Variants in CHRNA7 observed in about 807,000 individuals in gnomAD.
CHRNA7 encodes neuronal acetylcholine receptor subunit alpha-7.
In CHRNA7, 17 loss-of-function variants were observed where a neutral mutation model predicts 48.0. The ratio of observed to expected loss-of-function variants is 0.35; its 90% CI spans 0.24 to 0.53. CHRNA7 has a LOEUF of 0.53. Ranked by LOEUF, CHRNA7 falls within the 20% of genes least tolerant of loss-of-function variation. CHRNA7 has a pLI of 0.92. For synonymous variants in CHRNA7, 75 were observed against 242.3 expected (o/e 0.31, Z 6.41); for missense variants, 155 against 577.7 (o/e 0.27, Z 7.50).
chr15:32,124,945 G>T (rs900752134), intron 4 of CHRNA7, among the ~76,000 whole-genome samples: 1 of 152,170 alleles, frequency 6.6e-6, no homozygotes, highest in South Asian at 2.1e-4. Flanking sequence ...CAGATCCGTG[G>T]GTGCTTTGAT....
chr15:32,079,537 C>G (rs2050184796), intron 2 of CHRNA7, among the ~76,000 whole-genome samples: 1 of 152,124 alleles, frequency 6.6e-6, no homozygotes. Context: ...AATGAACTCC[C>G]ATTCACAATT....
intron 2 of CHRNA7, among the ~76,000 whole-genome samples, chr15:32,075,493 T>C (rs139405073): frequency 3.7e-4 from 57 of 152,292 alleles, no homozygotes; most frequent in African/African-American, 1.3e-3. Flanking sequence ...TGTAAAATTC[T>C]TCATAGTACT....
chr15:32,100,007 C>T (rs1463364219), intron 2 of CHRNA7: 2 of 152,226 alleles, frequency 1.3e-5, no homozygotes, highest in Admixed American at 1.3e-4. Flanking sequence ...GGGATTTGCC[C>T]CACCTGGCCC....
intron 2 of CHRNA7, among the ~76,000 whole-genome samples, chr15:32,092,339 G>A (rs1308438434): frequency 6.6e-6 from 1 of 152,132 alleles, no homozygotes; most frequent in Non-Finnish European, 1.5e-5. Context: ...TTTGATCCAA[G>A]ACTTATATAG....
At position 32,136,857 on chromosome 15, in the gene CHRNA7, C is replaced by G. The variant is rs1302823433; in HGVS notation, c.351-17050C>G. On this transcript the variant is annotated intron_variant, in intron 4 of 9. Transcript: ENST00000306901. ...CCATCCCGGCTAACACGGTGAAACC[C>G]CGTCTCTACTAAAAATACAAAAAAA... Among the ~76,000 whole-genome samples the G allele has an allele frequency of 4.2e-5, 5 of 120,300 alleles. No homozygotes were observed. The South Asian group carries it at 1.5e-3, about 37-fold the overall frequency. The allele number at this position is 120,300 out of a possible 152,430, so 78.9% of individuals were successfully genotyped here. A position where few individuals can be genotyped will look rare whatever the true frequency, so the allele number is the denominator to read the frequency against.
intron 4 of CHRNA7, among the ~76,000 whole-genome samples, chr15:32,139,046 G>T (rs1019158208): frequency 6.6e-6 from 1 of 152,192 alleles, no homozygotes. Context: ...GAGCCACTGC[G>T]CCCGGCCTGA....
intron 2 of CHRNA7, among the ~76,000 whole-genome samples, chr15:32,044,240 G>A (rs1039004705): frequency 1.0e-4 from 9 of 87,314 alleles, no homozygotes; most frequent in South Asian, 4.2e-4. Context: ...TTGCCAGATC[G>A]ATCGATCTTT....
At chr15:32,074,666 A>ATTATTATTATTATTATTATTT (rs991862925) in intron 2 of CHRNA7, among the ~76,000 whole-genome samples, 61 of 107,386 alleles carry the variant, frequency 5.7e-4, no homozygotes, top group African/African-American at 1.8e-3. Context: ...TATTATTATT[A>ATTATTATTATTATTATTATTT]TTTTTGAGAC....
At position 32,050,158 on chromosome 15, in the gene CHRNA7, T is replaced by C. The variant is rs145701478; in HGVS notation, c.195+19121T>C. Among the ~76,000 whole-genome samples the C allele has an allele frequency of 9.9e-3, 1,508 of 152,304 alleles. 26 individuals carry two copies. Among genetic ancestry groups the C allele is most frequent in the African/African-American group, 0.032 (1,338 of 41,564 alleles). ...CTCTTCTCGATGAGTATCTTTGTGG[T>C]GTTCTCTGTATTTCCTGAATGTGAA... On this transcript the variant is annotated intron_variant, in intron 2 of 9. Transcript: ENST00000306901.
At chr15:32,125,578 A>G (rs1285001939) in intron 4 of CHRNA7, among the ~76,000 whole-genome samples, 1 of 152,048 alleles carries the variant, frequency 6.6e-6, no homozygotes, top group Non-Finnish European at 1.5e-5. Context: ...GAGCTTTAAA[A>G]ACTCTCAGGC....
At chr15:32,033,919 A>G (rs953288590) in intron 2 of CHRNA7, among the ~76,000 whole-genome samples, 4 of 152,218 alleles carry the variant, frequency 2.6e-5, no homozygotes, top group African/African-American at 9.6e-5. Context: ...TACATATTTG[A>G]TTTTTGTGAA....
chr15:32,107,917 A>C (rs2050697774), intron 3 of CHRNA7, among the ~76,000 whole-genome samples: 1 of 152,158 alleles, frequency 6.6e-6, no homozygotes, highest in South Asian at 2.1e-4. Context: ...CATGGTCAGA[A>C]GGGGCTCTGT....
Position 32,101,298 on chromosome 15 carries a change from T to G in CHRNA7, c.196-5T>G. 1 of 1,588,414 alleles carries G rather than the reference T, an allele frequency of 6.3e-7. No homozygotes were observed. The highest frequency in any genetic ancestry group is 8.5e-7 in the Non-Finnish European group (1 of 1,172,628). ...TATGCTGCTGCTTTTTTTTTTTTTT[T>G]GAAGGATGAGAAGAACCAAGTTTTA... is the stretch of plus-strand genomic sequence containing the variant. On this transcript the variant is annotated splice_region_variant and splice_polypyrimidine_tract_variant and intron_variant, in intron 2 of 9. Coordinates refer to ENST00000306901, the MANE Select transcript of CHRNA7 (RefSeq NM_000746.6).
At chr15:32,110,018 T>G (rs2050737049) in intron 3 of CHRNA7, among the ~76,000 whole-genome samples, 1 of 152,194 alleles carries the variant, frequency 6.6e-6, no homozygotes, top group South Asian at 2.1e-4. Context: ...GAGAAGTGCC[T>G]TGGCCTACCA....
chr15:32,040,930 C>G (rs796784078), intron 2 of CHRNA7, among the ~76,000 whole-genome samples: 1 of 151,936 alleles, frequency 6.6e-6, no homozygotes, highest in South Asian at 2.1e-4. Context: ...AGGATGATTT[C>G]AATAATTCTA....
Position 32,122,333 on chromosome 15 carries a change from G to A in CHRNA7, c.350+10434G>A, listed in dbSNP as rs543398774. Among the ~76,000 whole-genome samples, 3 of 152,262 alleles carry A rather than the reference G, an allele frequency of 2.0e-5. No individual in the cohort carries two copies. In the South Asian group the frequency reaches 6.2e-4, roughly 32 times the overall value. On this transcript the variant is annotated intron_variant, in intron 4 of 9. Transcript: ENST00000306901. ...AAGTAAGTTCTGATTGTGTGGGGCA[G>A]GGATGTAGGGTATGGGTCCTATCCC...
intron 4 of CHRNA7, among the ~76,000 whole-genome samples, chr15:32,123,432 A>G (rs1295135557): frequency 6.6e-6 from 1 of 152,234 alleles, no homozygotes; most frequent in East Asian, 1.9e-4. Flanking sequence ...TAATGCAAGA[A>G]CAGAAAACTG....
intron 4 of CHRNA7, among the ~76,000 whole-genome samples, chr15:32,134,143 C>T (rs2051204367): frequency 6.6e-6 from 1 of 151,760 alleles, no homozygotes; most frequent in Non-Finnish European, 1.5e-5. Context: ...CCTGTGACTA[C>T]ATGTGGGTTT....
At chr15:32,082,609 A>C (rs2050233934) in intron 2 of CHRNA7, among the ~76,000 whole-genome samples, 1 of 152,138 alleles carries the variant, frequency 6.6e-6, no homozygotes, top group African/African-American at 2.4e-5. Flanking sequence ...CAATTAGTAC[A>C]ACTTTATGCA....
Sources: gnomAD v4.1 joint callset for allele counts (sites outside exome capture counted in the v4.1 genomes callset) on GRCh38, gnomAD v4.1.1 for gene constraint, MANE v1.5 for transcripts, NCBI Gene and HGNC (gene_info 2026-07-23, HGNC 2026-07-21) for gene names.